The following NBN variants were observed in gnomAD, a reference collection of about 807,000 sequenced individuals.
NBN encodes Nijmegen breakage syndrome 1 (nibrin).
A neutral mutation model predicts 90.8 loss-of-function variants in NBN; 88 were observed. That is an observed-to-expected ratio of 0.97 (90% CI 0.82 to 1.16). The LOEUF (loss-of-function observed/expected upper bound fraction) is 1.16. Among genes scored for constraint, NBN ranks in the 50% most tolerant of loss-of-function variants. The probability of loss-of-function intolerance (pLI) is 0.00; values close to 1 mark genes in which losing one functional copy is unlikely to be tolerated. For synonymous variants in NBN, 328 were observed against 295.1 expected (o/e 1.11, Z -1.14); for missense variants, 894 against 869.6 (o/e 1.03, Z -0.35).
At chr8:89,949,844 T>C (rs950903867) in intron 11 of NBN, among the ~76,000 whole-genome samples, 3 of 152,130 alleles carry the variant, frequency 2.0e-5, no homozygotes, top group Non-Finnish European at 4.4e-5. Context: ...TCTCTGACAG[T>C]CACTTCTGTA....
intron 1 of NBN, among the ~76,000 whole-genome samples, chr8:89,983,898 T>TAAG (rs1162835899): frequency 6.6e-6 from 1 of 152,112 alleles, no homozygotes; most frequent in Non-Finnish European, 1.5e-5. Flanking sequence ...ATTTAGTCTC[T>TAAG]ACATAGATCT....
rs539960851 is a variant in NBN at position 89,953,701 on chromosome 8, A to T, written c.1398-10T>A. On this transcript the variant is annotated splice_polypyrimidine_tract_variant and intron_variant, in intron 10 of 15. Coordinates refer to ENST00000265433, the MANE Select transcript of NBN (RefSeq NM_002485.5). Reference sequence around the variant, plus strand: ...TTCTTCATCCCTTTCCCTTAGATTTAAAAAAAAAGAAGAAAACAAAACAAG... The same window carrying T: ...TTCTTCATCCCTTTCCCTTAGATTTTAAAAAAAAGAAGAAAACAAAACAAG... The T allele has an allele frequency of 3.3e-5, 51 of 1,532,342 alleles. No individual in the cohort carries two copies. Among genetic ancestry groups the T allele is most frequent in the African/African-American group, 1.9e-4 (14 of 72,888 alleles). The allele number at this position is 1,532,342 out of a possible 1,614,324, so 94.9% of individuals were successfully genotyped here.
At chr8:89,967,649 CA>C (rs1811317354) in intron 7 of NBN, among the ~76,000 whole-genome samples, 1 of 152,156 alleles carries the variant, frequency 6.6e-6, no homozygotes, top group African/African-American at 2.4e-5. Context: ...GAAGAGTTAC[CA>C]AATTTGAGCT....
intron 8 of NBN, among the ~76,000 whole-genome samples, chr8:89,963,673 C>T (rs983619098): frequency 3.3e-5 from 5 of 152,174 alleles, no homozygotes; most frequent in African/African-American, 1.2e-4. Flanking sequence ...TTATAATGCA[C>T]ATTCTTCATC....
rs1563549139 is a variant in NBN, at chr8:89,964,517, T to C, written c.897-10A>G. On this transcript the variant is annotated splice_polypyrimidine_tract_variant and intron_variant, in intron 7 of 15. Coordinates refer to ENST00000265433, the MANE Select transcript of NBN (RefSeq NM_002485.5). ...AGGTCTAAGACCTTGCCTATTAGAA[T>C]AAAATAGTTTAAGTATGATAATATA... The C allele has an allele frequency of 6.3e-7, 1 of 1,576,206 alleles. No homozygotes were observed. The highest frequency in any genetic ancestry group is 8.7e-7 in the Non-Finnish European group (1 of 1,145,988).
chr8:89,954,836 C>A (rs1214677809), intron 10 of NBN, among the ~76,000 whole-genome samples: 3 of 151,812 alleles, frequency 2.0e-5, no homozygotes, highest in African/African-American at 7.3e-5. Flanking sequence ...GAGGAAGAAA[C>A]CAGGTCAAGA....
intron 7 of NBN, 64 bp downstream of exon 7, chr8:89,970,299 AC>A: frequency 7.2e-7 from 1 of 1,387,832 alleles, no homozygotes. Flanking sequence ...GTGAAAAGCA[AC>A]AAAAAAGGTT....
intron 13 of NBN, among the ~76,000 whole-genome samples, chr8:89,944,109 A>G (rs13312951): frequency 0.028 from 4,330 of 152,250 alleles, 187 homozygotes; most frequent in African/African-American, 0.096. Flanking sequence ...GTTTTGAGAC[A>G]GGGTCTCACT....
intron 11 of NBN, among the ~76,000 whole-genome samples, chr8:89,949,656 G>A (rs1810350117): frequency 1.3e-5 from 2 of 152,124 alleles, no homozygotes; most frequent in Non-Finnish European, 2.9e-5. Context: ...TTACAGACAT[G>A]CTATAATCTA....
Position 89,935,630 on chromosome 8 carries a change from G to A in NBN, c.2235-18C>T, listed in dbSNP as rs138106214. 2.7e-4 allele frequency: 427 copies of A among 1,603,784 alleles called. 2 individuals are homozygous for A. The East Asian group carries it at 9.5e-3, about 36-fold the overall frequency. On this transcript the variant is annotated intron_variant, in intron 15 of 15. Coordinates refer to ENST00000265433, the MANE Select transcript of NBN (RefSeq NM_002485.5). The stretch of plus-strand genomic sequence containing the variant: ...GATTGTATCTGCAAAGAAAGAAATG[G>A]GGTTAAATGATATTTAGATAAGGGA...
Position 89,934,032 on chromosome 8 carries a change from CA to C in NBN, c.*1549del, listed in dbSNP as rs1313427777. 4 of 230,240 alleles carry C rather than the reference CA, an allele frequency of 1.7e-5. No individual in the cohort carries two copies. The Admixed American group carries it at 2.3e-4, about 13-fold the overall frequency. 14.3% of individuals were successfully genotyped at this position (230,240 alleles called of 1,614,324 possible). On this transcript the variant is annotated 3_prime_UTR_variant, in exon 16 of 16. Coordinates refer to ENST00000265433, the MANE Select transcript of NBN (RefSeq NM_002485.5). ...CTCATTCATTATATTCATAAATTGA[CA>C]AATATAAAAACTGCTATAGTAGGGC...
intron 9 of NBN, 99 bp downstream of exon 9, chr8:89,958,626 T>C (rs1376651714): frequency 7.3e-6 from 10 of 1,377,898 alleles, no homozygotes; most frequent in Non-Finnish European, 1.0e-5. Flanking sequence ...CCATGCTTTC[T>C]CTCTCAAGAG....
At chr8:89,980,465 G>A (rs1372833859) in intron 4 of NBN, among the ~76,000 whole-genome samples, 2 of 151,760 alleles carry the variant, frequency 1.3e-5, no homozygotes, top group Non-Finnish European at 2.9e-5. Flanking sequence ...TAACCTTCTC[G>A]GTGGAAGGAC....
At chr8:89,978,127 C>T (rs1296590440) in intron 5 of NBN, 93 bp downstream of exon 5, 1 of 1,133,248 alleles carries the variant, frequency 8.8e-7, no homozygotes, top group South Asian at 1.3e-5. Context: ...ACTATTACAT[C>T]CTGAAACAAG....
chr8:89,958,942 T>C (rs72547470), intron 8 of NBN, 88 bp from the exon 9 acceptor site: 16 of 1,515,848 alleles, frequency 1.1e-5, no homozygotes, highest in East Asian at 2.3e-5. Context: ...GACTATACCA[T>C]GCTGAGGGGA....
At chr8:89,958,284 G>T (rs1257075640) in intron 9 of NBN, among the ~76,000 whole-genome samples, 1 of 152,176 alleles carries the variant, frequency 6.6e-6, no homozygotes, top group African/African-American at 2.4e-5. Flanking sequence ...TGATACCGTG[G>T]CTGAGAGATA....
chr8:89,978,366 G>C (rs1251642754), intron 4 of NBN, 43 bp from the exon 5 acceptor site: 1 of 1,522,994 alleles, frequency 6.6e-7, no homozygotes, highest in Non-Finnish European at 9.1e-7. Context: ...TCACATGCTA[G>C]CATTTTTTAA....
intron 4 of NBN, 57 bp downstream of exon 4, chr8:89,980,677 G>C: frequency 6.8e-7 from 1 of 1,466,136 alleles, no homozygotes; most frequent in Non-Finnish European, 9.5e-7. Context: ...GTGTATAGTG[G>C]GTAAGCTTAA....
intron 14 of NBN, 86 bp downstream of exon 14, chr8:89,943,167 T>A: frequency 2.9e-6 from 4 of 1,383,404 alleles, no homozygotes; most frequent in Non-Finnish European, 3.1e-6. Context: ...TATTTTAATT[T>A]GGTTTTAAGA....
Sources: gnomAD v4.1 joint callset for allele counts (sites outside exome capture counted in the v4.1 genomes callset) on GRCh38, gnomAD v4.1.1 for gene constraint, MANE v1.5 for transcripts, NCBI Gene and HGNC (gene_info 2026-07-23, HGNC 2026-07-21) for gene names.